NHSL2: variants seen among roughly 807,000 people sequenced by gnomAD.
NHSL2 encodes NHS like 2, also known as NHS-like protein 2.
In NHSL2, 27 loss-of-function variants were observed where a neutral mutation model predicts 53.4. That is an observed-to-expected ratio of 0.51 (90% CI 0.37 to 0.70). The LOEUF is 0.70. Ranked by LOEUF, NHSL2 falls within the 30% of genes least tolerant of loss-of-function variation. NHSL2 has a pLI of 0.00. For missense variants in NHSL2, 892 were observed against 980.1 expected, an observed-to-expected ratio of 0.91 and a Z score of 1.20; for synonymous variants, 408 against 404.1, an observed-to-expected ratio of 1.01 and a Z score of -0.12.
chrX:72,065,857 T>C (rs894563821), intron 1 of NHSL2, among the ~76,000 whole-genome samples: 1 of 111,334 alleles, frequency 9.0e-6, no homozygotes, highest in African/African-American at 3.3e-5. Context: ...AATGACAAGA[T>C]AAAGAAGAGA....
chrX:72,020,261 C>T (rs180854093), intron 1 of NHSL2, among the ~76,000 whole-genome samples: 12 of 112,396 alleles, frequency 1.1e-4, no homozygotes, highest in Admixed American at 6.5e-4. Flanking sequence ...CATACTTCAG[C>T]TCACACAGCA....
At chrX:72,027,346 G>T in intron 1 of NHSL2, 1 of 113,351 alleles carries the variant, frequency 8.8e-6, no homozygotes. Context: ...TTTTGCTCCT[G>T]GACATCTTTT....
At chrX:72,029,167 T>C (rs1029689505) in intron 1 of NHSL2, among the ~76,000 whole-genome samples, 1 of 110,119 alleles carries the variant, frequency 9.1e-6, no homozygotes, top group African/African-American at 3.3e-5. Context: ...CCAAGTAGGG[T>C]TGGGGTTCAG....
intron 1 of NHSL2, among the ~76,000 whole-genome samples, chrX:71,959,657 A>G (rs1382271849): frequency 9.0e-6 from 1 of 111,396 alleles, no homozygotes; most frequent in Non-Finnish European, 1.9e-5. Context: ...GTACTAGGAA[A>G]CGTCTAATCT....
chrX:71,925,444 A>G (rs1295569062), intron 1 of NHSL2, among the ~76,000 whole-genome samples: 2 of 104,270 alleles, frequency 1.9e-5, no homozygotes, highest in Non-Finnish European at 3.9e-5. Flanking sequence ...TTTAAGACGG[A>G]GTCTCGCTCT....
At chrX:72,008,777 G>A (rs181423864) in intron 1 of NHSL2, among the ~76,000 whole-genome samples, 10 of 112,005 alleles carry the variant, frequency 8.9e-5, no homozygotes, top group African/African-American at 2.9e-4. Context: ...CTTCAAAATC[G>A]ATTCAGAATC....
In NHSL2 at chrX:72,140,261, C is replaced by T. The variant is rs771686567; in HGVS notation, c.2713C>T (p.Pro905Ser). 4.1e-6 allele frequency: 5 copies of T among 1,209,524 alleles called. No individual in the cohort carries two copies. Among genetic ancestry groups the T allele is most frequent in the Non-Finnish European group, 5.6e-6 (5 of 894,419 alleles). ...ACTAACTTCACCAACCTTGGCTATG[C>T]CCCCCAGGAGCTCAATTCAACATGC... ...YALTSPTLAMPPRSSIQHARP... is the reference protein window; with the variant it reads ...YALTSPTLAMSPRSSIQHARP... Residue 905 changes from proline (P) to serine (S), a missense_variant, in exon 6 of 8, where the codon CCC becomes TCC. Coordinates refer to ENST00000633930, the MANE Select transcript of NHSL2 (RefSeq NM_001013627.3).
chrX:72,080,407 G>A (rs1480404162), intron 1 of NHSL2: 1 of 111,589 alleles, frequency 9.0e-6, no homozygotes, highest in African/African-American at 3.3e-5. Flanking sequence ...GTGGGACTGC[G>A]TTCTAGAGGT....
At position 72,132,070 on chromosome X, in the gene NHSL2, C is replaced by T; in HGVS notation, c.281-9C>T. The T allele has an allele frequency of 2.6e-6, 3 of 1,166,574 alleles. No individual in the cohort carries two copies. The highest frequency in any genetic ancestry group is 2.3e-6 in the Non-Finnish European group (2 of 872,063). ...GCCTGCGCCTCTCACTGACTCTCTC[C>T]TTCCCTAGCTGCAGCTAACTCGGGT... On this transcript the variant is annotated splice_polypyrimidine_tract_variant and intron_variant, in intron 1 of 7. Coordinates refer to ENST00000633930, the MANE Select transcript of NHSL2 (RefSeq NM_001013627.3).
At chrX:72,043,129 T>C (rs895273872) in intron 1 of NHSL2, among the ~76,000 whole-genome samples, 2 of 111,102 alleles carry the variant, frequency 1.8e-5, no homozygotes, top group Non-Finnish European at 3.8e-5. Flanking sequence ...CAATGCGCTG[T>C]TTCCTGACTT....
intron 1 of NHSL2, among the ~76,000 whole-genome samples, chrX:71,963,800 A>G (rs1359359164): frequency 9.7e-6 from 1 of 103,193 alleles, no homozygotes; most frequent in Admixed American, 1.1e-4. Flanking sequence ...GCACACTCCT[A>G]TAGTCCAAGC....
chrX:72,005,684 G>A (rs1428910182), intron 1 of NHSL2, among the ~76,000 whole-genome samples: 1 of 111,509 alleles, frequency 9.0e-6, no homozygotes, highest in African/African-American at 3.3e-5. Flanking sequence ...TAAATTGGTG[G>A]TTTAGAACTG....
chrX:72,108,299 CAA>C (rs1367364001), intron 1 of NHSL2, among the ~76,000 whole-genome samples: 1 of 112,618 alleles, frequency 8.9e-6, no homozygotes, highest in African/African-American at 3.2e-5. Flanking sequence ...GCCTCAAAGT[CAA>C]AGACACCAAA....
At chrX:72,121,260 AG>A (rs1383528119) in intron 1 of NHSL2, among the ~76,000 whole-genome samples, 8 of 111,916 alleles carry the variant, frequency 7.1e-5, no homozygotes, top group African/African-American at 2.6e-4. Flanking sequence ...TCCCTGGCCC[AG>A]TTGGTCATCT....
intron 1 of NHSL2, among the ~76,000 whole-genome samples, chrX:71,979,041 TGA>T (rs1373504705): frequency 1.8e-5 from 2 of 108,940 alleles, no homozygotes; most frequent in Non-Finnish European, 3.8e-5. Flanking sequence ...GATAGTTTGC[TGA>T]GAATGATGGT....
At chrX:71,978,036 T>G (rs1454281163) in intron 1 of NHSL2, among the ~76,000 whole-genome samples, 4 of 111,271 alleles carry the variant, frequency 3.6e-5, no homozygotes, top group Non-Finnish European at 7.5e-5. Context: ...TGACCTCAAT[T>G]GTCTCATGTG....
chrX:71,964,041 ATG>A lies in NHSL2; in HGVS notation c.280+52676_280+52677del, dbSNP rs1396579843. 4.1e-4 allele frequency among the ~76,000 whole-genome samples: 4 copies of A among 9,816 alleles called. 1 individual carries two copies. The highest frequency in any genetic ancestry group is 5.9e-4 in the African/African-American group (3 of 5,105). 8.5% of individuals were successfully genotyped at this position (9,816 alleles called of 115,157 possible). A position where few individuals can be genotyped will look rare whatever the true frequency, so the allele number is the denominator to read the frequency against. ...TATATATATGTGTATATATATATAT[ATG>A]TATATATATATATGTGTATATATAT... is the stretch of plus-strand genomic sequence containing the variant. On this transcript the variant is annotated intron_variant, in intron 1 of 7. Transcript: ENST00000633930.
intron 1 of NHSL2, among the ~76,000 whole-genome samples, chrX:72,005,723 A>C (rs760578390): frequency 1.3e-4 from 15 of 111,725 alleles, no homozygotes; most frequent in Non-Finnish European, 2.8e-4. Flanking sequence ...ATAGAGATGT[A>C]AGATGATTCA....
intron 1 of NHSL2, among the ~76,000 whole-genome samples, chrX:71,959,046 G>A (rs762379591): frequency 3.6e-5 from 4 of 112,183 alleles, no homozygotes; most frequent in Non-Finnish European, 5.6e-5. Context: ...AAATGCGAGA[G>A]TTAGGCAGCT....
Sources: allele counts gnomAD v4.1 joint callset (sites outside exome capture counted in the v4.1 genomes callset), GRCh38; gene constraint gnomAD v4.1.1; transcripts MANE v1.5; gene names NCBI Gene and HGNC (gene_info 2026-07-23, HGNC 2026-07-21).